USP54: variants seen among roughly 807,000 people sequenced by gnomAD.
USP54 encodes ubiquitin specific peptidase 54.
A neutral mutation model predicts 170.5 loss-of-function variants in USP54; 87 were observed. The ratio of observed to expected loss-of-function variants is 0.51; its 90% CI spans 0.43 to 0.61. USP54 has a LOEUF of 0.61. USP54 is among the 20% of genes least tolerant of loss of function. USP54 has a pLI of 0.00. For synonymous variants in USP54, 655 were observed against 742.8 expected (o/e 0.88, Z 1.92); for missense variants, 1,786 against 2,047.8 (o/e 0.87, Z 2.47).
Position 73,534,767 on chromosome 10 carries a change from C to G in USP54, c.1148G>C (p.Arg383Thr). The G allele has an allele frequency of 6.2e-7, 1 of 1,613,532 alleles. No homozygotes were observed. Among genetic ancestry groups the G allele is most frequent in the Non-Finnish European group, 8.5e-7 (1 of 1,179,684 alleles). ...RTCYDSEDSG[R>T]EPSISSDTRT... ...AGTGTCACTTGAGATGGAGGGCTCC[C>G]TCCCTGAGAGGAGGAGGAAACACAT... The change falls in exon 12 of 24, where the codon AGG becomes ACG. Residue 383 changes from arginine (R) to threonine (T), a missense_variant. Physicochemically the swap from Arg to Thr is moderately conservative, Grantham distance 71. Around this residue, in one of 3 missense-constraint regions of USP54, gnomAD observed 7 missense variants for 23.8 expected, o/e 0.29. Transcript: ENST00000687698.
At chr10:73,515,216 A>G (rs1256812157) in intron 20 of USP54, among the ~76,000 whole-genome samples, 1 of 152,166 alleles carries the variant, frequency 6.6e-6, no homozygotes, top group Non-Finnish European at 1.5e-5. Context: ...CAAGCTAAGG[A>G]AAAGTTCTCC....
intron 9 of USP54, among the ~76,000 whole-genome samples, chr10:73,540,433 G>C (rs2066357601): frequency 6.6e-6 from 1 of 152,068 alleles, no homozygotes; most frequent in South Asian, 2.1e-4. Flanking sequence ...AGCCGGGCAT[G>C]GTGGCAGGCA....
intron 1 of USP54, among the ~76,000 whole-genome samples, chr10:73,583,431 G>A (rs536242788): frequency 2.4e-3 from 372 of 152,190 alleles, no homozygotes; most frequent in Non-Finnish European, 3.9e-3. Flanking sequence ...GATTACAGGC[G>A]CCTGCCACCA....
chr10:73,542,947 T>C (rs2066937675), intron 6 of USP54, 62 bp from the exon 7 acceptor site: 2 of 1,610,654 alleles, frequency 1.2e-6, no homozygotes, highest in Non-Finnish European at 1.7e-6. Context: ...TTGGCACCCA[T>C]TTAACACCCC....
intron 4 of USP54, among the ~76,000 whole-genome samples, chr10:73,550,833 G>A (rs1018463621): frequency 3.3e-5 from 5 of 152,128 alleles, no homozygotes; most frequent in Non-Finnish European, 7.3e-5. Context: ...CCGGCCAGGC[G>A]TGGTGGCTCA....
intron 1 of USP54, among the ~76,000 whole-genome samples, chr10:73,598,121 G>A (rs1235607582): frequency 6.6e-6 from 1 of 152,100 alleles, no homozygotes; most frequent in Non-Finnish European, 1.5e-5. Flanking sequence ...ATTTGTGGGT[G>A]GAAGAAATGA....
upstream of USP54, among the ~76,000 whole-genome samples, chr10:73,593,160 A>G (rs1441363524): frequency 6.6e-6 from 1 of 151,724 alleles, no homozygotes; most frequent in African/African-American, 2.4e-5. Context: ...GGAGTTCAAG[A>G]CCAGCCTGGG....
chr10:73,538,140 G>T (rs902719705), intron 10 of USP54: 16 of 152,138 alleles, frequency 1.1e-4, no homozygotes, highest in Non-Finnish European at 2.2e-4. Flanking sequence ...GGGAGGCAGA[G>T]GTTGCAGTGA....
At chr10:73,521,547 C>T (rs2061901259) in intron 17 of USP54, among the ~76,000 whole-genome samples, 1 of 152,202 alleles carries the variant, frequency 6.6e-6, no homozygotes, top group African/African-American at 2.4e-5. Context: ...CACTTATTTA[C>T]TTCACCAATT....
chr10:73,516,413 C>T lies in USP54; in HGVS notation c.4013G>A (p.Gly1338Glu). The change falls in exon 20 of 24, where the codon GGG becomes GAG. Residue 1338 changes from glycine (G) to glutamate (E), a missense_variant. Gly to Glu is a moderately conservative substitution (Grantham distance 98). Transcript: ENST00000687698. ...TGGGTGCCAGGCGGTATCCTGCTGC[C>T]CCCATCCAGAACAGCCAGCTTGAGA... ...QASQAGCSGWGQQDTAWHPLS... is the reference protein window; with the variant it reads ...QASQAGCSGWEQQDTAWHPLS... 6.2e-7 allele frequency: 1 copy of T among 1,613,870 alleles called. No homozygotes were observed. The highest frequency in any genetic ancestry group is 8.5e-7 in the Non-Finnish European group (1 of 1,179,958).
chr10:73,571,098 A>G (rs928061109), intron 4 of USP54, among the ~76,000 whole-genome samples: 1 of 143,484 alleles, frequency 7.0e-6, no homozygotes, highest in Admixed American at 7.3e-5. Flanking sequence ...AGGTCGCACC[A>G]GTGCACTCCA....
chr10:73,545,553 A>G lies in USP54; in HGVS notation c.360T>C (p.Asp120=). The G allele has an allele frequency of 6.2e-7, 1 of 1,614,200 alleles. No individual in the cohort carries two copies. The highest frequency in any genetic ancestry group is 1.7e-5 in the Admixed American group (1 of 60,028). Residue 120 remains aspartate (D), a synonymous_variant, in exon 5 of 24, where the codon GAT becomes GAC. Transcript: ENST00000687698. ...EQRFQLGIMD[D]AAECFENLLM... ...CAGCACTTACAAAGCACTCTGCAGC[A>G]TCATCCATAATTCCCAGCTGGAAAC...
intron 4 of USP54, among the ~76,000 whole-genome samples, chr10:73,569,902 CAAAAAAAAAAAAAAAAA>C (rs34676499): frequency 5.6e-3 from 104 of 18,704 alleles, no homozygotes; most frequent in African/African-American, 0.017. Context: ...ATTTCATCTC[CAAAAAAAAAAAAAAAAA>C]AAAAAAAAAA....
At chr10:73,573,956 C>T (rs949760327) in intron 3 of USP54, among the ~76,000 whole-genome samples, 4 of 152,182 alleles carry the variant, frequency 2.6e-5, no homozygotes, top group African/African-American at 9.7e-5. Flanking sequence ...GTTCTTTATA[C>T]TAAATATCTT....
chr10:73,521,178 A>C, intron 17 of USP54, 151 bp from the exon 18 acceptor site: 1 of 1,167,256 alleles, frequency 8.6e-7, no homozygotes, highest in South Asian at 1.6e-5. Context: ...ATTATCTGAA[A>C]ACAAGCAGGA....
chr10:73,543,147 C>T lies in USP54; in HGVS notation c.376-16G>A, dbSNP rs779795367. On this transcript the variant is annotated splice_polypyrimidine_tract_variant and intron_variant, in intron 5 of 23. Transcript: ENST00000687698. ...GGAGGTTTTCCTGACAGGGAAAGAACAAAAGCAGTATACCAACAATATTTA... is the reference window on the plus strand; with the variant it reads ...GGAGGTTTTCCTGACAGGGAAAGAATAAAAGCAGTATACCAACAATATTTA... 1 of 1,565,104 alleles carries T rather than the reference C, an allele frequency of 6.4e-7. No homozygotes were observed. Among genetic ancestry groups the T allele is most frequent in the Non-Finnish European group, 8.8e-7 (1 of 1,135,592 alleles).
At chr10:73,611,954 CA>C (rs890078586) in intron 1 of USP54, among the ~76,000 whole-genome samples, 4 of 149,640 alleles carry the variant, frequency 2.7e-5, no homozygotes, top group Non-Finnish European at 5.9e-5. Flanking sequence ...ACGAAAAATA[CA>C]AAAAAACTAG....
chr10:73,593,376 CAAAAAAA>C (rs772703814), upstream of USP54, among the ~76,000 whole-genome samples: 30 of 60,370 alleles, frequency 5.0e-4, no homozygotes, highest in African/African-American at 1.8e-3. Context: ...GACCCTGTCT[CAAAAAAA>C]AAAAAAAAAA....
At chr10:73,514,630 A>G (rs2060764541) in intron 20 of USP54, among the ~76,000 whole-genome samples, 1 of 152,088 alleles carries the variant, frequency 6.6e-6, no homozygotes, top group Admixed American at 6.6e-5. Context: ...GGCAGACTCC[A>G]GCTTTCCCTT....
Sources: gnomAD v4.1 joint callset for allele counts (sites outside exome capture counted in the v4.1 genomes callset) on GRCh38, gnomAD v4.1.1 for gene constraint, gnomAD v4.1.1 regional missense constraint, MANE v1.5 for transcripts, NCBI Gene and HGNC (gene_info 2026-07-23, HGNC 2026-07-21) for gene names.